Variants in BMPR2 observed in about 807,000 individuals in gnomAD.
BMPR2 encodes the protein bone morphogenetic protein receptor type-2.
In BMPR2, 29 loss-of-function variants were observed where a neutral mutation model predicts 100.8. The ratio of observed to expected loss-of-function variants is 0.29; its 90% CI spans 0.21 to 0.39. The LOEUF is 0.39. Ranked by LOEUF, BMPR2 falls within the 10% of genes least tolerant of loss-of-function variation. BMPR2 has a pLI of 1.00. For missense variants in BMPR2, 1,011 were observed against 1,274.5 expected (o/e 0.79, Z 3.15); for synonymous variants, 382 against 442.3 (o/e 0.86, Z 1.71).
chr2:202,390,726 T>G (rs1357939337), intron 1 of BMPR2, among the ~76,000 whole-genome samples: 1 of 152,170 alleles, frequency 6.6e-6, no homozygotes, highest in Non-Finnish European at 1.5e-5. Flanking sequence ...CTTGTTGGTT[T>G]AGAGTCCTTT....
chr2:202,430,719 G>A (rs774679620), intron 1 of BMPR2, among the ~76,000 whole-genome samples: 1 of 151,168 alleles, frequency 6.6e-6, no homozygotes, highest in Non-Finnish European at 1.5e-5. Context: ...CAGCACTTTG[G>A]GAAGCTGAGG....
chr2:202,494,401 C>T (rs549839652), intron 3 of BMPR2, among the ~76,000 whole-genome samples: 1 of 152,220 alleles, frequency 6.6e-6, no homozygotes. Flanking sequence ...TTCTTTGACA[C>T]AGACCCAGAC....
intron 11 of BMPR2, among the ~76,000 whole-genome samples, chr2:202,553,683 T>G (rs1471878042): frequency 2.7e-5 from 4 of 150,786 alleles, no homozygotes; most frequent in African/African-American, 7.3e-5. Flanking sequence ...GTGGTTTTTG[T>G]TTTTTTTTGT....
At chr2:202,381,629 A>G (rs1403963064) in intron 1 of BMPR2, among the ~76,000 whole-genome samples, 1 of 152,222 alleles carries the variant, frequency 6.6e-6, no homozygotes, top group African/African-American at 2.4e-5. Context: ...TTGCAGAAGA[A>G]CGAAGAATTG....
intron 1 of BMPR2, among the ~76,000 whole-genome samples, chr2:202,433,833 G>A (rs1194581913): frequency 4.0e-5 from 6 of 150,282 alleles, no homozygotes; most frequent in Non-Finnish European, 7.4e-5. Flanking sequence ...GCTTGAACCC[G>A]GGAGGCAAAG....
Position 202,464,856 on chromosome 2 carries a change from C to G in BMPR2, c.124C>G (p.Gln42Glu). ...RLCAFKDPYQ[Q>E]DLGIGESRIS... ...ATGTGCGTTTAAAGATCCGTATCAGCAAGACCTTGGGATAGGTGAGAGTAG... is the reference window on the plus strand; with the variant it reads ...ATGTGCGTTTAAAGATCCGTATCAGGAAGACCTTGGGATAGGTGAGAGTAG... Residue 42 changes from glutamine (Q) to glutamate (E), a missense_variant, in exon 2 of 13, where the codon CAA (glutamine) becomes GAA (glutamate). This residue lies in a region of BMPR2 where 355 missense variants were observed against 455.3 expected (regional missense o/e 0.78). Transcript: ENST00000374580. 1 of 1,614,064 alleles carries G rather than the reference C, an allele frequency of 6.2e-7. No homozygotes were observed. The highest frequency in any genetic ancestry group is 8.5e-7 in the Non-Finnish European group (1 of 1,180,000).
chr2:202,564,256 A>AT lies in BMPR2; in HGVS notation c.*4311dup, dbSNP rs1343845804. The stretch of plus-strand genomic sequence containing the variant: ...TCATTAACTCCTAGAATTTGAGATT[A>AT]TATTTCCATACAACATTTTATAAAG... On this transcript the variant is annotated 3_prime_UTR_variant, in exon 13 of 13. Coordinates refer to ENST00000374580, the MANE Select transcript of BMPR2 (RefSeq NM_001204.7). The AT allele has an allele frequency of 6.6e-6, 1 of 152,216 alleles. No homozygotes were observed. Among genetic ancestry groups the AT allele is most frequent in the Non-Finnish European group, 1.5e-5 (1 of 68,026 alleles). 9.4% of individuals were successfully genotyped at this position (152,216 alleles called of 1,614,324 possible). A position where few individuals can be genotyped will look rare whatever the true frequency, so the allele number is the denominator to read the frequency against.
intron 1 of BMPR2, among the ~76,000 whole-genome samples, chr2:202,450,691 CAAAAAA>C (rs761806972): frequency 2.4e-5 from 1 of 41,232 alleles, no homozygotes; most frequent in Non-Finnish European, 5.5e-5. Context: ...AACTCCATCT[CAAAAAA>C]AAAAAAAAAA....
intron 1 of BMPR2, among the ~76,000 whole-genome samples, chr2:202,426,155 A>T (rs1432140193): frequency 6.6e-6 from 1 of 152,238 alleles, no homozygotes; most frequent in Non-Finnish European, 1.5e-5. Flanking sequence ...GGCCAGAAGT[A>T]ACACTTTACT....
intron 3 of BMPR2, among the ~76,000 whole-genome samples, chr2:202,494,683 G>A (rs574828509): frequency 1.3e-5 from 2 of 152,294 alleles, no homozygotes; most frequent in South Asian, 4.1e-4. Flanking sequence ...GACAATTCAG[G>A]TATAACATAG....
At position 202,441,592 on chromosome 2, in the gene BMPR2, C is replaced by T. The variant is rs1352393988; in HGVS notation, c.77-23217C>T. Among the ~76,000 whole-genome samples the T allele has an allele frequency of 2.6e-4, 39 of 147,466 alleles. 2 individuals carry two copies. Among genetic ancestry groups the T allele is most frequent in the African/African-American group, 9.9e-4 (38 of 38,294 alleles). On this transcript the variant is annotated intron_variant, in intron 1 of 12. Transcript: ENST00000374580. ...AATTAGCCGGGCGTGGTGGCGGGTG[C>T]CTGTAGTCCCAACTACTCAAGAGGC...
At chr2:202,409,082 C>T (rs1690957798) in intron 1 of BMPR2, among the ~76,000 whole-genome samples, 3 of 152,170 alleles carry the variant, frequency 2.0e-5, no homozygotes, top group South Asian at 2.1e-4. Flanking sequence ...CAGTGGCTCA[C>T]GCCTGTAATT....
chr2:202,454,702 A>G (rs1692056534), intron 1 of BMPR2, among the ~76,000 whole-genome samples: 2 of 152,204 alleles, frequency 1.3e-5, no homozygotes, highest in South Asian at 4.1e-4. Context: ...ACATGATTAC[A>G]ATTTGACAAT....
intron 1 of BMPR2, among the ~76,000 whole-genome samples, chr2:202,444,460 A>G (rs943777833): frequency 6.6e-6 from 1 of 150,778 alleles, no homozygotes; most frequent in Non-Finnish European, 1.5e-5. Flanking sequence ...CAAATTTCTA[A>G]AAAAATAACA....
intron 3 of BMPR2, among the ~76,000 whole-genome samples, chr2:202,483,488 G>T (rs896806622): frequency 1.8e-4 from 26 of 142,224 alleles, no homozygotes; most frequent in Admixed American, 1.3e-3. Flanking sequence ...CCGCCTACCC[G>T]CCCAGGTTCA....
At chr2:202,483,706 A>G (rs1692710354) in intron 3 of BMPR2, among the ~76,000 whole-genome samples, 1 of 152,110 alleles carries the variant, frequency 6.6e-6, no homozygotes, top group African/African-American at 2.4e-5. Context: ...CCCAGCCCAA[A>G]GTTTTTACTT....
intron 1 of BMPR2, among the ~76,000 whole-genome samples, chr2:202,427,358 C>CA (rs397872093): frequency 0.06 from 4,708 of 78,216 alleles, 130 homozygotes; most frequent in Non-Finnish European, 0.084. Flanking sequence ...GACCCTGGCT[C>CA]AAAAAAAAAA....
Position 202,403,788 on chromosome 2 carries a change from A to C in BMPR2, c.76+26238A>C, listed in dbSNP as rs573892998. Among the ~76,000 whole-genome samples the C allele has an allele frequency of 2.8e-3, 428 of 152,222 alleles. 2 individuals are homozygous for C. The highest frequency in any genetic ancestry group is 0.013 in the South Asian group (64 of 4,822). The stretch of plus-strand genomic sequence containing the variant: ...TTTGGAGTCCAAGGCGGGTGATCAC[A>C]TGAGGTCGGGAGTTCAAGACCAGCC... On this transcript the variant is annotated intron_variant, in intron 1 of 12. Transcript: ENST00000374580.
chr2:202,394,009 G>T (rs1264643835), intron 1 of BMPR2, among the ~76,000 whole-genome samples: 3 of 151,582 alleles, frequency 2.0e-5, no homozygotes, highest in African/African-American at 7.3e-5. Context: ...GTGAATTTCT[G>T]TTGCTAATGA....
Sources: gnomAD v4.1 joint callset for allele counts (sites outside exome capture counted in the v4.1 genomes callset) on GRCh38, gnomAD v4.1.1 for gene constraint, gnomAD v4.1.1 regional missense constraint, MANE v1.5 for transcripts, NCBI Gene and HGNC (gene_info 2026-07-23, HGNC 2026-07-21) for gene names.